KIAA1217: variants seen among roughly 807,000 people sequenced by gnomAD.
The protein encoded by KIAA1217 is KIAA1217.
KIAA1217 carries 88 observed loss-of-function variants against 163.9 expected under a neutral mutation model. The ratio of observed to expected loss-of-function variants is 0.54; its 90% confidence interval spans 0.45 to 0.64. The LOEUF (loss-of-function observed/expected upper bound fraction) is 0.64. Among genes scored for constraint, KIAA1217 ranks in the 30% least tolerant of loss-of-function variants. KIAA1217 has a pLI of 0.00. For missense variants in KIAA1217, 2,372 were observed against 2,475.0 expected (o/e 0.96, Z 0.88); for synonymous variants, 903 against 923.1 (o/e 0.98, Z 0.39).
intron 2 of KIAA1217, among the ~76,000 whole-genome samples, chr10:24,065,612 T>C (rs1206366178): frequency 2.0e-5 from 3 of 152,232 alleles, no homozygotes; most frequent in African/African-American, 4.8e-5. Flanking sequence ...CAAGAATGTA[T>C]ATTCTGTTGA....
intron 1 of KIAA1217, among the ~76,000 whole-genome samples, chr10:23,803,146 C>T (rs561185414): frequency 6.6e-6 from 1 of 152,244 alleles, no homozygotes; most frequent in East Asian, 1.9e-4. Context: ...ACTCACTGTC[C>T]TAAGAAGTCA....
At chr10:23,938,048 G>A (rs901170031) in intron 1 of KIAA1217, among the ~76,000 whole-genome samples, 1 of 152,238 alleles carries the variant, frequency 6.6e-6, no homozygotes. Context: ...AATACAAAGA[G>A]AGCACTGGAG....
chr10:24,524,856 G>A (rs1362881184), intron 13 of KIAA1217, 92 bp downstream of exon 13: 1 of 1,125,610 alleles, frequency 8.9e-7, no homozygotes, highest in Non-Finnish European at 1.3e-6. Flanking sequence ...ATGATGACAT[G>A]ATTGTGTATG....
At chr10:23,897,394 T>C (rs1445206021) in intron 1 of KIAA1217, among the ~76,000 whole-genome samples, 3 of 152,144 alleles carry the variant, frequency 2.0e-5, no homozygotes, top group African/African-American at 7.2e-5. Context: ...GCATGTCCTT[T>C]GCCCTGTCTC....
chr10:23,696,943 A>C (rs1836083617), intron 1 of KIAA1217, among the ~76,000 whole-genome samples: 1 of 152,246 alleles, frequency 6.6e-6, no homozygotes, highest in African/African-American at 2.4e-5. Flanking sequence ...CTAGGGGAAC[A>C]TGTCAAGAAG....
At chr10:24,306,273 G>A (rs769106112) in intron 2 of KIAA1217, among the ~76,000 whole-genome samples, 13 of 152,104 alleles carry the variant, frequency 8.5e-5, no homozygotes, top group Non-Finnish European at 1.8e-4. Flanking sequence ...TGCAGGTTCT[G>A]GCTTTCCCAA....
Position 24,036,847 on chromosome 10 carries a change from G to A in KIAA1217, c.-171+29473G>A, listed in dbSNP as rs566183732. The stretch of plus-strand genomic sequence containing the variant: ...CACTAGGCCCACCATCAACATTGGA[G>A]GTTGAGACTTGGAAGGGACACACAT... On this transcript the variant is annotated intron_variant, in intron 2 of 18. Transcript: ENST00000376462. Among the ~76,000 whole-genome samples the A allele has an allele frequency of 2.6e-5, 4 of 152,300 alleles. No homozygotes were observed. In the South Asian group the frequency reaches 8.3e-4, roughly 32 times the overall value.
intron 2 of KIAA1217, among the ~76,000 whole-genome samples, chr10:24,015,902 T>C (rs1847461003): frequency 6.6e-6 from 1 of 151,736 alleles, no homozygotes; most frequent in African/African-American, 2.4e-5. Context: ...CCTGTTTGCG[T>C]AGGGTAAAAA....
chr10:24,157,602 A>G (rs935123821), intron 2 of KIAA1217, among the ~76,000 whole-genome samples: 7 of 152,208 alleles, frequency 4.6e-5, no homozygotes, highest in African/African-American at 1.4e-4. Context: ...TTCTTCTAGT[A>G]TACCTGGGAT....
At chr10:23,958,587 A>G in intron 1 of KIAA1217, among the ~76,000 whole-genome samples, 1 of 152,174 alleles carries the variant, frequency 6.6e-6, no homozygotes, top group East Asian at 1.9e-4. Context: ...GTTGAGAAAA[A>G]CGTGACTTTT....
intron 1 of KIAA1217, among the ~76,000 whole-genome samples, chr10:23,908,154 G>GC (rs1292579230): frequency 6.6e-6 from 1 of 152,132 alleles, no homozygotes; most frequent in Non-Finnish European, 1.5e-5. Flanking sequence ...AATTACAAGA[G>GC]CCCGTGCAGC....
At chr10:24,532,039 AT>A in intron 15 of KIAA1217, 46 bp downstream of exon 15, 1 of 1,432,728 alleles carries the variant, frequency 7.0e-7, no homozygotes, top group Non-Finnish European at 9.3e-7. Flanking sequence ...GGTTCAGATG[AT>A]ACCCTTAGAC....
chr10:23,985,310 G>A (rs1004450079), intron 1 of KIAA1217, among the ~76,000 whole-genome samples: 2 of 152,128 alleles, frequency 1.3e-5, no homozygotes, highest in African/African-American at 2.4e-5. Flanking sequence ...ACATGTCCTA[G>A]AATTTCTGGA....
At chr10:24,220,136 G>C (rs1264415417) in intron 2 of KIAA1217, among the ~76,000 whole-genome samples, 1 of 152,094 alleles carries the variant, frequency 6.6e-6, no homozygotes, top group Non-Finnish European at 1.5e-5. Flanking sequence ...CAGGAGGCCA[G>C]GCCAGAGAGG....
chr10:24,028,332 T>C (rs1459437369), intron 2 of KIAA1217, among the ~76,000 whole-genome samples: 1 of 152,092 alleles, frequency 6.6e-6, no homozygotes, highest in East Asian at 1.9e-4. Flanking sequence ...TATAATATAT[T>C]CATGCCATGC....
chr10:24,436,130 G>A (rs1814175925), intron 4 of KIAA1217, among the ~76,000 whole-genome samples: 1 of 151,876 alleles, frequency 6.6e-6, no homozygotes, highest in Admixed American at 6.6e-5. Context: ...CAAAGTGCTG[G>A]GATTATAAGC....
chr10:24,184,125 G>A (rs2066311206), intron 2 of KIAA1217, among the ~76,000 whole-genome samples: 1 of 152,236 alleles, frequency 6.6e-6, no homozygotes, highest in South Asian at 2.1e-4. Flanking sequence ...GCTTTCAACA[G>A]AGCCAGTGAG....
chr10:24,433,304 GTTTT>G (rs574061369), intron 4 of KIAA1217, 111 bp downstream of exon 4: 2 of 742,558 alleles, frequency 2.7e-6, no homozygotes, highest in South Asian at 3.9e-5. Flanking sequence ...CATTTAGAGT[GTTTT>G]TTTGTTTTTT....
intron 2 of KIAA1217, among the ~76,000 whole-genome samples, chr10:24,117,644 A>T (rs563959984): frequency 8.2e-4 from 125 of 152,162 alleles, no homozygotes; most frequent in African/African-American, 2.8e-3. Context: ...CAAAAATAAA[A>T]ATTAAAAAAG....
Sources: allele counts gnomAD v4.1 joint callset (sites outside exome capture counted in the v4.1 genomes callset), GRCh38; gene constraint gnomAD v4.1.1; transcripts MANE v1.5; gene names NCBI Gene and HGNC (gene_info 2026-07-23, HGNC 2026-07-21).